PANK3: variants seen among roughly 807,000 people sequenced by gnomAD.
PANK3 encodes pantothenate kinase 3.
A neutral mutation model predicts 39.4 loss-of-function variants in PANK3; 20 were observed. The observed-to-expected ratio is 0.51, with a 90% CI of 0.36 to 0.74. PANK3 has a LOEUF of 0.74. Ranked by LOEUF, PANK3 falls within the 30% of genes least tolerant of loss-of-function variation. The pLI, the probability that PANK3 is intolerant of heterozygous loss-of-function variation, is 0.00. For synonymous variants in PANK3, 140 were observed against 157.3 expected (o/e 0.89, Z 0.82); for missense variants, 265 against 437.0 (o/e 0.61, Z 3.51).
rs1759312070 is a variant in PANK3 at position 168,554,008 on chromosome 5, T to C, written c.*3563A>G. On this transcript the variant is annotated 3_prime_UTR_variant, in exon 7 of 7. Coordinates refer to ENST00000239231, the MANE Select transcript of PANK3 (RefSeq NM_024594.4). ...ATAGATGAGCTATTTTGAAACTTTG[T>C]GGGAGTCTGAGGCAATACTGCAGAA... 1 of 152,222 alleles carries C rather than the reference T, an allele frequency of 6.6e-6. No homozygotes were observed. The highest frequency in any genetic ancestry group is 6.5e-5 in the Admixed American group (1 of 15,282). The allele number at this position is 152,222 out of a possible 1,614,324, so 9.4% of individuals were successfully genotyped here.
chr5:168,549,993 T>C lies in PANK3; in HGVS notation c.*7578A>G, dbSNP rs1270398879. The C allele has an allele frequency of 6.6e-6, 1 of 152,182 alleles. No individual in the cohort carries two copies. The highest frequency in any genetic ancestry group is 1.5e-5 in the Non-Finnish European group (1 of 68,034). 9.4% of individuals were successfully genotyped at this position (152,182 alleles called of 1,614,324 possible). ...CAATGATCAGAAATAAGAAACAGCTTTTTAAAAAGGGCCACTAAAAAATCC... is the reference window on the plus strand; with the variant it reads ...CAATGATCAGAAATAAGAAACAGCTCTTTAAAAAGGGCCACTAAAAAATCC... On this transcript the variant is annotated 3_prime_UTR_variant, in exon 7 of 7. Coordinates refer to ENST00000239231, the MANE Select transcript of PANK3 (RefSeq NM_024594.4).
intron 1 of PANK3, among the ~76,000 whole-genome samples, chr5:168,571,767 T>C (rs1231305357): frequency 6.6e-6 from 1 of 152,192 alleles, no homozygotes; most frequent in East Asian, 1.9e-4. Flanking sequence ...AATTAGTATA[T>C]AATTTTTAAT....
At chr5:168,570,489 G>A (rs1759611529) in intron 1 of PANK3, among the ~76,000 whole-genome samples, 2 of 151,670 alleles carry the variant, frequency 1.3e-5, no homozygotes, top group South Asian at 4.2e-4. Flanking sequence ...CTGAAGGAGC[G>A]CTCAATGTAG....
intron 1 of PANK3, among the ~76,000 whole-genome samples, chr5:168,575,088 C>T (rs1275894871): frequency 6.6e-6 from 1 of 151,956 alleles, no homozygotes; most frequent in African/African-American, 2.4e-5. Context: ...ACAAAACACA[C>T]ATTACACAAA....
chr5:168,578,399 CA>C (rs1339029412), intron 1 of PANK3, among the ~76,000 whole-genome samples: 2 of 152,126 alleles, frequency 1.3e-5, no homozygotes, highest in African/African-American at 4.8e-5. Context: ...GTAAAAACAG[CA>C]AAAGTATCAA....
intron 1 of PANK3, among the ~76,000 whole-genome samples, chr5:168,572,095 C>T (rs1360968527): frequency 1.3e-5 from 2 of 149,820 alleles, no homozygotes; most frequent in Non-Finnish European, 3.0e-5. Flanking sequence ...TTGTTGAGTG[C>T]CTAGCAACAT....
In PANK3 at chr5:168,557,315, A is replaced by G; in HGVS notation, c.*256T>C. On this transcript the variant is annotated 3_prime_UTR_variant, in exon 7 of 7. Coordinates refer to ENST00000239231, the MANE Select transcript of PANK3 (RefSeq NM_024594.4). Reference sequence around the variant, plus strand: ...AATGTTGGCTACATAAAATAAAAAAATCTTTTTAAGAGGAAGCTCAATAAT... The same window carrying G: ...AATGTTGGCTACATAAAATAAAAAAGTCTTTTTAAGAGGAAGCTCAATAAT... 1 of 471,086 alleles carries G rather than the reference A, an allele frequency of 2.1e-6. No individual in the cohort carries two copies. The highest frequency in any genetic ancestry group is 3.8e-6 in the Non-Finnish European group (1 of 266,310). 29.2% of individuals were successfully genotyped at this position (471,086 alleles called of 1,614,324 possible).
At chr5:168,569,030 A>ATATATATATATAATAT (rs1554125889) in intron 1 of PANK3, 32 bp from the exon 2 acceptor site, 1 of 115,516 alleles carries the variant, frequency 8.7e-6, no homozygotes, top group African/African-American at 8.0e-5. Context: ...AAAAAAAAAA[A>ATATATATATATAATAT]ATATATATAT....
chr5:168,570,301 CG>C (rs1759605817), intron 1 of PANK3, among the ~76,000 whole-genome samples: 1 of 150,698 alleles, frequency 6.6e-6, no homozygotes, highest in Non-Finnish European at 1.5e-5. Context: ...AGGAGAATGG[CG>C]TGAACCCGGG....
chr5:168,579,323 G>C lies in PANK3; in HGVS notation c.-40C>G, dbSNP rs1759791269. 6.9e-7 allele frequency: 1 copy of C among 1,450,096 alleles called. No homozygotes were observed. Among genetic ancestry groups the C allele is most frequent in the Non-Finnish European group, 9.1e-7 (1 of 1,095,914 alleles). The allele number at this position is 1,450,096 out of a possible 1,614,324, so 89.8% of individuals were successfully genotyped here. On this transcript the variant is annotated 5_prime_UTR_variant, in exon 1 of 7. Coordinates refer to ENST00000239231, the MANE Select transcript of PANK3 (RefSeq NM_024594.4). ...GGGCGATGGACGGCCTCCGATCCGG[G>C]GCACTGAGAGCAGAGGCGGCGACTC...
At chr5:168,570,981 C>A (rs941570949) in intron 1 of PANK3, among the ~76,000 whole-genome samples, 1 of 152,100 alleles carries the variant, frequency 6.6e-6, no homozygotes. Context: ...AAAACAGATT[C>A]CTGACGTCTT....
Position 168,556,868 on chromosome 5 carries a change from A to ATT in PANK3, c.*702_*703insAA, listed in dbSNP as rs1759356703. The ATT allele has an allele frequency of 6.6e-6, 1 of 152,668 alleles. No homozygotes were observed. Among genetic ancestry groups the ATT allele is most frequent in the Non-Finnish European group, 1.5e-5 (1 of 68,052 alleles). The allele number at this position is 152,668 out of a possible 1,614,324, so 9.5% of individuals were successfully genotyped here. ...CCAGTAATTAAGCCTCCAATCTTAAAATGTTAAACATTTCAACATGTATTG... is the reference window on the plus strand; with the variant it reads ...CCAGTAATTAAGCCTCCAATCTTAAATTATGTTAAACATTTCAACATGTATTG... On this transcript the variant is annotated 3_prime_UTR_variant, in exon 7 of 7. Coordinates refer to ENST00000239231, the MANE Select transcript of PANK3 (RefSeq NM_024594.4).
chr5:168,553,283 A>G lies in PANK3; in HGVS notation c.*4288T>C, dbSNP rs1429658093. The G allele has an allele frequency of 1.9e-6, 1 of 530,948 alleles. No homozygotes were observed. The highest frequency in any genetic ancestry group is 3.8e-6 in the Non-Finnish European group (1 of 265,420). The allele number at this position is 530,948 out of a possible 1,614,324, so 32.9% of individuals were successfully genotyped here. On this transcript the variant is annotated 3_prime_UTR_variant, in exon 7 of 7. Transcript: ENST00000239231. ...AAGGTACCCCAAAGGGGAGTAGGCG[A>G]GATCTCTCCAATGTACATGGGCACA...
intron 2 of PANK3, among the ~76,000 whole-genome samples, chr5:168,568,327 T>C (rs1759567778): frequency 6.6e-6 from 1 of 152,166 alleles, no homozygotes; most frequent in African/African-American, 2.4e-5. Context: ...AGGACAATAG[T>C]GAAAATAATT....
At chr5:168,577,555 T>G (rs1208828858) in intron 1 of PANK3, among the ~76,000 whole-genome samples, 1 of 152,110 alleles carries the variant, frequency 6.6e-6, no homozygotes, top group Non-Finnish European at 1.5e-5. Context: ...CCCAGGTTGG[T>G]CTCGAACTCC....
intron 6 of PANK3, among the ~76,000 whole-genome samples, chr5:168,558,092 T>G (rs979964406): frequency 1.3e-5 from 2 of 151,794 alleles, no homozygotes; most frequent in East Asian, 1.9e-4. Context: ...CCATGTGGAA[T>G]TGCACAAGGG....
chr5:168,558,318 G>A (rs1582460869), intron 6 of PANK3, among the ~76,000 whole-genome samples: 2 of 151,800 alleles, frequency 1.3e-5, no homozygotes, highest in South Asian at 2.1e-4. Flanking sequence ...CCGCCACCTC[G>A]CCCGGCTAAT....
intron 2 of PANK3, among the ~76,000 whole-genome samples, chr5:168,567,571 A>G (rs1759556253): frequency 1.3e-5 from 2 of 152,144 alleles, no homozygotes; most frequent in Non-Finnish European, 2.9e-5. Context: ...ACAGTACTAC[A>G]GATCTTTACC....
At chr5:168,560,618 T>C (rs1759431497) in intron 5 of PANK3, among the ~76,000 whole-genome samples, 1 of 152,236 alleles carries the variant, frequency 6.6e-6, no homozygotes, top group Admixed American at 6.5e-5. Context: ...ATGTCTGGCA[T>C]CTGGTAATCA....
Sources: allele counts gnomAD v4.1 joint callset (sites outside exome capture counted in the v4.1 genomes callset), GRCh38; gene constraint gnomAD v4.1.1; transcripts MANE v1.5; gene names NCBI Gene and HGNC (gene_info 2026-07-23, HGNC 2026-07-21).